Variants in RMDN2 observed in about 807,000 individuals in gnomAD.
RMDN2 encodes the protein regulator of microtubule dynamics protein 2.
In RMDN2, 61 loss-of-function variants were observed where a neutral mutation model predicts 52.8. The observed-to-expected ratio is 1.16, with a 90% confidence interval of 0.94 to 1.43. The LOEUF (loss-of-function observed/expected upper bound fraction) is 1.43, where lower values mean the gene tolerates loss of function less well. Among genes scored for constraint, RMDN2 ranks in the 40% most tolerant of loss-of-function variants. RMDN2 has a pLI of 0.00. For synonymous variants in RMDN2, 180 were observed against 153.1 expected, an observed-to-expected ratio of 1.18 and a Z score of -1.30; for missense variants, 592 against 475.3, an observed-to-expected ratio of 1.25 and a Z score of -2.28.
Position 37,957,200 on chromosome 2 carries a change from T to C in RMDN2, c.453-16840T>C, listed in dbSNP as rs140816697. Among the ~76,000 whole-genome samples the C allele has an allele frequency of 6.0e-3, 918 of 152,318 alleles. 11 individuals carry two copies. The highest frequency in any genetic ancestry group is 0.021 in the African/African-American group (858 of 41,570). On this transcript the variant is annotated intron_variant, in intron 2 of 10. Coordinates refer to ENST00000354545, the MANE Select transcript of RMDN2 (RefSeq NM_001170791.3). ...TAATGGGATTGCTGGGTCAAATGTA[T>C]TTCTAGTTCTAGATCCTTGAGGAAT... is the stretch of plus-strand genomic sequence containing the variant.
At chr2:37,954,048 G>A (rs964849319) in intron 2 of RMDN2, among the ~76,000 whole-genome samples, 1 of 151,618 alleles carries the variant, frequency 6.6e-6, no homozygotes, top group South Asian at 2.1e-4. Context: ...AAATCAGGTT[G>A]TTTGTTTTTT....
chr2:38,007,975 C>T (rs1480881924), intron 10 of RMDN2, among the ~76,000 whole-genome samples: 1 of 152,110 alleles, frequency 6.6e-6, no homozygotes, highest in Non-Finnish European at 1.5e-5. Context: ...CCAGTAGTCA[C>T]TCAGGAGCAG....
intron 8 of RMDN2, among the ~76,000 whole-genome samples, chr2:38,000,721 A>G (rs1676202809): frequency 6.6e-6 from 1 of 152,214 alleles, no homozygotes; most frequent in African/African-American, 2.4e-5. Context: ...TGGATATACC[A>G]TAATTTGTTT....
At chr2:38,039,045 TATACAC>T (rs1256523947) in intron 10 of RMDN2, among the ~76,000 whole-genome samples, 1 of 87,542 alleles carries the variant, frequency 1.1e-5, no homozygotes, top group African/African-American at 5.1e-5. Flanking sequence ...AGCCAGATGC[TATACAC>T]ACACACACAC....
chr2:38,020,243 G>C (rs748375662), downstream of RMDN2, among the ~76,000 whole-genome samples: 1 of 152,162 alleles, frequency 6.6e-6, no homozygotes, highest in Non-Finnish European at 1.5e-5. Context: ...CCATAATGTA[G>C]AACCAGTGGG....
rs1558538039 is a variant in RMDN2, at chr2:38,004,063, C to A, written c.1098+19C>A. ...AGCAAAGGTAATGAAGACCACTGTT[C>A]TGCTTTAAGATCACTTTGAACCTAT... On this transcript the variant is annotated intron_variant, in intron 9 of 10. Transcript: ENST00000354545. 1 of 1,609,518 alleles carries A rather than the reference C, an allele frequency of 6.2e-7. No homozygotes were observed. The highest frequency in any genetic ancestry group is 2.2e-5 in the East Asian group (1 of 44,770).
intron 7 of RMDN2, among the ~76,000 whole-genome samples, chr2:37,993,062 G>A (rs1675024276): frequency 1.3e-5 from 2 of 152,118 alleles, no homozygotes; most frequent in East Asian, 1.9e-4. Context: ...TTACACGCGT[G>A]TGCCACCACG....
At chr2:37,951,757 A>G (rs1320722786) in intron 2 of RMDN2, 3 of 1,613,104 alleles carry the variant, frequency 1.9e-6, no homozygotes, top group Admixed American at 3.3e-5. Context: ...TCTGCTCCTG[A>G]ATATAACACT....
chr2:37,953,306 C>T (rs1669070554), intron 2 of RMDN2, among the ~76,000 whole-genome samples: 1 of 152,074 alleles, frequency 6.6e-6, no homozygotes, highest in African/African-American at 2.4e-5. Context: ...CTCTTTTCAT[C>T]TTGCAAAACT....
intron 10 of RMDN2, among the ~76,000 whole-genome samples, chr2:38,010,979 C>G (rs980233804): frequency 2.0e-5 from 3 of 152,182 alleles, no homozygotes; most frequent in Non-Finnish European, 2.9e-5. Flanking sequence ...TTAAAACATC[C>G]TGATCCTTGT....
At chr2:38,012,518 G>A (rs1678147874) in intron 10 of RMDN2, 1 of 437,620 alleles carries the variant, frequency 2.3e-6, no homozygotes, top group Non-Finnish European at 4.6e-6. Context: ...CCTAATGAAT[G>A]TAAGAAGGCT....
At chr2:37,977,431 C>G (rs879437388) in intron 4 of RMDN2, among the ~76,000 whole-genome samples, 23 of 151,558 alleles carry the variant, frequency 1.5e-4, no homozygotes, top group Non-Finnish European at 2.8e-4. Context: ...CAGAGGCGCC[C>G]CCACCTCCCA....
At chr2:37,941,297 C>T (rs754162135) in intron 2 of RMDN2, among the ~76,000 whole-genome samples, 27 of 152,076 alleles carry the variant, frequency 1.8e-4, no homozygotes, top group South Asian at 4.1e-4. Flanking sequence ...CGCCAGATGT[C>T]GACTGGAGCT....
intron 2 of RMDN2, among the ~76,000 whole-genome samples, chr2:37,943,009 G>C (rs1023580075): frequency 2.0e-5 from 3 of 152,192 alleles, no homozygotes; most frequent in African/African-American, 7.2e-5. Context: ...TCCTGGGCAG[G>C]ACTTGCTAAG....
chr2:37,950,671 C>A, intron 2 of RMDN2: 1 of 1,391,746 alleles, frequency 7.2e-7, no homozygotes, highest in Non-Finnish European at 1.0e-6. Flanking sequence ...TTAGTGCTCT[C>A]CTTTGTTTCC....
upstream of RMDN2, among the ~76,000 whole-genome samples, chr2:37,922,993 C>A (rs1353847180): frequency 6.6e-6 from 1 of 152,192 alleles, no homozygotes; most frequent in Non-Finnish European, 1.5e-5. Context: ...TGTACCCACT[C>A]CTCCCAAATG....
intron 2 of RMDN2, among the ~76,000 whole-genome samples, chr2:37,937,856 C>G (rs1169199185): frequency 1.3e-5 from 2 of 152,312 alleles, no homozygotes; most frequent in South Asian, 2.1e-4. Context: ...TTGACTTCCT[C>G]TCTTCATACT....
intron 2 of RMDN2, among the ~76,000 whole-genome samples, chr2:37,939,983 T>G (rs1392707862): frequency 6.6e-6 from 1 of 152,238 alleles, no homozygotes; most frequent in South Asian, 2.1e-4. Context: ...GTGTGGATGG[T>G]CTTTACATTT....
chr2:37,987,835 G>A (rs1359238925), intron 5 of RMDN2, among the ~76,000 whole-genome samples: 1 of 152,100 alleles, frequency 6.6e-6, no homozygotes, highest in Non-Finnish European at 1.5e-5. Flanking sequence ...GAGGTGGGCA[G>A]ATCACCTGAG....
Sources: gnomAD v4.1 joint callset for allele counts (sites outside exome capture counted in the v4.1 genomes callset) on GRCh38, gnomAD v4.1.1 for gene constraint, MANE v1.5 for transcripts, NCBI Gene and HGNC (gene_info 2026-07-23, HGNC 2026-07-21) for gene names.